IL1RAPL1: variants seen among roughly 807,000 people sequenced by gnomAD.
IL1RAPL1 encodes the protein interleukin 1 receptor accessory protein like 1.
A neutral mutation model predicts 48.4 loss-of-function variants in IL1RAPL1; 3 were observed. The observed-to-expected ratio is 0.06, with a 90% CI of 0.03 to 0.16. The LOEUF (loss-of-function observed/expected upper bound fraction) is 0.16. Ranked by LOEUF, IL1RAPL1 falls within the 10% of genes least tolerant of loss-of-function variation. IL1RAPL1 has a pLI of 1.00. For missense variants in IL1RAPL1, 349 were observed against 530.6 expected (o/e 0.66, Z 3.36); for synonymous variants, 185 against 187.7 (o/e 0.99, Z 0.12).
intron 2 of IL1RAPL1, among the ~76,000 whole-genome samples, chrX:28,801,303 T>C (rs1187574370): frequency 8.9e-6 from 1 of 111,852 alleles, no homozygotes; most frequent in Non-Finnish European, 1.9e-5. Flanking sequence ...TTAGTACAGA[T>C]ATAATAGTAT....
intron 2 of IL1RAPL1, among the ~76,000 whole-genome samples, chrX:28,848,897 C>T (rs183922582): frequency 1.7e-4 from 19 of 111,517 alleles, no homozygotes; most frequent in Admixed American, 1.3e-3. Context: ...ATGCAAACGG[C>T]GCAGTCAAAT....
At chrX:29,837,268 AAAAAATATAT>A (rs1445845595) in intron 6 of IL1RAPL1, among the ~76,000 whole-genome samples, 6 of 51,607 alleles carry the variant, frequency 1.2e-4, no homozygotes, top group Non-Finnish European at 1.7e-4. Flanking sequence ...CAAAAAAAAA[AAAAAATATAT>A]ATATATATAT....
intron 2 of IL1RAPL1, among the ~76,000 whole-genome samples, chrX:29,281,993 GAGAAAGAGCA>G (rs1453697545): frequency 9.0e-6 from 1 of 111,325 alleles, no homozygotes; most frequent in Non-Finnish European, 1.9e-5. Flanking sequence ...TCACGATGGA[GAGAAAGAGCA>G]AGCTCTCTGG....
chrX:29,666,828 T>C, intron 5 of IL1RAPL1, among the ~76,000 whole-genome samples: 1 of 111,269 alleles, frequency 9.0e-6, no homozygotes, highest in Non-Finnish European at 1.9e-5. Flanking sequence ...TTATATAAAC[T>C]GACATAATTT....
intron 1 of IL1RAPL1, among the ~76,000 whole-genome samples, chrX:28,659,800 G>C (rs1349868783): frequency 9.8e-6 from 1 of 102,521 alleles, no homozygotes; most frequent in African/African-American, 3.7e-5. Flanking sequence ...AGAAAACCTG[G>C]GTTTCTTGGT....
intron 1 of IL1RAPL1, among the ~76,000 whole-genome samples, chrX:28,622,511 A>G (rs1005035956): frequency 8.9e-6 from 1 of 112,258 alleles, no homozygotes; most frequent in Non-Finnish European, 1.9e-5. Flanking sequence ...AATTTTATCT[A>G]TGTGATCATA....
rs180728638 is a variant in IL1RAPL1 at position 29,344,351 on chromosome X, G to C, written c.363-51907G>C. ...TACTTAAGTTCCTATTTTCATCTATGGAATTATATTTTAACATCATAAACA... is the reference window on the plus strand; with the variant it reads ...TACTTAAGTTCCTATTTTCATCTATCGAATTATATTTTAACATCATAAACA... On this transcript the variant is annotated intron_variant, in intron 3 of 10. Coordinates refer to ENST00000378993, the MANE Select transcript of IL1RAPL1 (RefSeq NM_014271.4). 9.9e-5 allele frequency among the ~76,000 whole-genome samples: 11 copies of C among 111,596 alleles called. No individual in the cohort carries two copies. In the East Asian group the frequency reaches 3.1e-3, roughly 31 times the overall value.
chrX:28,653,959 A>T (rs756082473), intron 1 of IL1RAPL1, among the ~76,000 whole-genome samples: 2 of 111,718 alleles, frequency 1.8e-5, no homozygotes, highest in East Asian at 5.6e-4. Flanking sequence ...GGTTCATTCT[A>T]TGTGGCCTGC....
chrX:29,453,744 A>G (rs1934706926), intron 5 of IL1RAPL1, among the ~76,000 whole-genome samples: 1 of 112,088 alleles, frequency 8.9e-6, no homozygotes, highest in Non-Finnish European at 1.9e-5. Context: ...CTATTGTGCA[A>G]TTATGGTTGA....
At chrX:29,032,728 C>T (rs375252906) in intron 2 of IL1RAPL1, among the ~76,000 whole-genome samples, 8 of 99,814 alleles carry the variant, frequency 8.0e-5, no homozygotes, top group African/African-American at 2.6e-4. Flanking sequence ...CATGAGCGTG[C>T]GCTCACGTGG....
intron 5 of IL1RAPL1, among the ~76,000 whole-genome samples, chrX:29,637,643 T>C (rs1005478232): frequency 1.8e-5 from 2 of 111,609 alleles, no homozygotes; most frequent in Admixed American, 1.9e-4. Flanking sequence ...TCTCTGTGTG[T>C]CCTCTGTATG....
intron 8 of IL1RAPL1, among the ~76,000 whole-genome samples, chrX:29,923,032 C>A (rs763115696): frequency 1.3e-4 from 15 of 111,979 alleles, no homozygotes; most frequent in Non-Finnish European, 2.8e-4. Context: ...ATTTTTCCTT[C>A]ACTGTTACCT....
intron 2 of IL1RAPL1, among the ~76,000 whole-genome samples, chrX:29,105,463 C>A (rs1051647493): frequency 1.8e-5 from 2 of 111,968 alleles, no homozygotes; most frequent in Non-Finnish European, 3.8e-5. Context: ...AACAACTGCT[C>A]ATAGCAAATA....
In IL1RAPL1 at chrX:29,822,265, T is replaced by C. The variant is rs763292553; in HGVS notation, c.779-95199T>C. ...GTTTAAAACACATGTGGTGAATATT[T>C]GCAGAAAAGTGCATTTAACAAGTAT... On this transcript the variant is annotated intron_variant, in intron 6 of 10. Transcript: ENST00000378993. Among the ~76,000 whole-genome samples, 10 of 111,886 alleles carry C rather than the reference T, an allele frequency of 8.9e-5. No homozygotes were observed. In the East Asian group the frequency reaches 2.8e-3, roughly 31 times the overall value.
intron 8 of IL1RAPL1, among the ~76,000 whole-genome samples, chrX:29,923,605 T>C (rs1264494710): frequency 4.5e-5 from 5 of 111,658 alleles, no homozygotes; most frequent in Non-Finnish European, 9.4e-5. Context: ...AAATTAGATA[T>C]TGGGTTACTT....
intron 1 of IL1RAPL1, among the ~76,000 whole-genome samples, chrX:28,781,294 T>A (rs777541775): frequency 6.5e-4 from 70 of 108,249 alleles, no homozygotes; most frequent in African/African-American, 2.3e-3. Flanking sequence ...GGTTTTTTTT[T>A]TATTTATTTT....
chrX:29,733,504 A>G (rs1365425467), intron 6 of IL1RAPL1, among the ~76,000 whole-genome samples: 1 of 112,069 alleles, frequency 8.9e-6, no homozygotes, highest in African/African-American at 3.2e-5. Flanking sequence ...GACCTTCAGA[A>G]CTTTATGTGT....
chrX:28,696,957 G>A (rs1268582042), intron 1 of IL1RAPL1, among the ~76,000 whole-genome samples: 3 of 111,719 alleles, frequency 2.7e-5, no homozygotes, highest in Admixed American at 9.6e-5. Context: ...TCCAAAGCAT[G>A]AGCATGATTG....
intron 2 of IL1RAPL1, among the ~76,000 whole-genome samples, chrX:28,962,091 C>T (rs889292620): frequency 1.8e-5 from 2 of 111,552 alleles, no homozygotes; most frequent in Non-Finnish European, 3.8e-5. Context: ...TTAAGAATGG[C>T]ATAAGAAGAT....
Sources: gnomAD v4.1 joint callset for allele counts (sites outside exome capture counted in the v4.1 genomes callset) on GRCh38, gnomAD v4.1.1 for gene constraint, MANE v1.5 for transcripts, NCBI Gene and HGNC (gene_info 2026-07-23, HGNC 2026-07-21) for gene names.